The following AP3S1 variants were observed in gnomAD, a reference collection of about 807,000 sequenced individuals.
AP3S1 encodes the protein adaptor related protein complex 3 subunit sigma 1, also known as AP-3 complex subunit sigma-1.
In AP3S1, 12 loss-of-function variants were observed where a neutral mutation model predicts 21.3. The observed-to-expected ratio is 0.56, with a 90% CI of 0.36 to 0.91. The LOEUF is 0.91. AP3S1 is among the 40% of genes least tolerant of loss of function. The pLI is 0.01. For missense variants in AP3S1, 116 were observed against 225.0 expected (o/e 0.52, Z 3.10); for synonymous variants, 48 against 78.4 (o/e 0.61, Z 2.05).
At chr5:115,848,644 A>G (rs967164341) in intron 1 of AP3S1, among the ~76,000 whole-genome samples, 2 of 152,104 alleles carry the variant, frequency 1.3e-5, no homozygotes, top group Admixed American at 1.3e-4. Context: ...TTTAGCACTT[A>G]GTCTTTTTTG....
At chr5:115,851,909 T>C (rs1762465646) in intron 1 of AP3S1, among the ~76,000 whole-genome samples, 1 of 152,094 alleles carries the variant, frequency 6.6e-6, no homozygotes, top group Non-Finnish European at 1.5e-5. Context: ...AATTACTATA[T>C]AATAGTACAT....
At chr5:115,883,643 C>T (rs1749508547) in intron 3 of AP3S1, among the ~76,000 whole-genome samples, 1 of 152,240 alleles carries the variant, frequency 6.6e-6, no homozygotes, top group South Asian at 2.1e-4. Flanking sequence ...GGATCTGTTC[C>T]TATTCGGCCA....
intron 1 of AP3S1, among the ~76,000 whole-genome samples, chr5:115,852,634 C>A (rs1025489155): frequency 6.6e-6 from 1 of 152,088 alleles, no homozygotes; most frequent in African/African-American, 2.4e-5. Flanking sequence ...CCCCACTCCC[C>A]ACTGTCCCTG....
At chr5:115,899,256 C>T (rs1751015133) in intron 4 of AP3S1, among the ~76,000 whole-genome samples, 1 of 152,148 alleles carries the variant, frequency 6.6e-6, no homozygotes, top group Non-Finnish European at 1.5e-5. Context: ...CGAGAGACTC[C>T]TTTTACTTTC....
intron 5 of AP3S1, among the ~76,000 whole-genome samples, chr5:115,911,581 C>T (rs144729631): frequency 6.6e-6 from 1 of 151,994 alleles, no homozygotes; most frequent in Non-Finnish European, 1.5e-5. Flanking sequence ...GTAAATTTTT[C>T]TTCCTTAGTA....
chr5:115,898,219 T>C (rs750863020), intron 4 of AP3S1, among the ~76,000 whole-genome samples: 6 of 152,194 alleles, frequency 3.9e-5, no homozygotes, highest in South Asian at 2.1e-4. Flanking sequence ...CAGATGATAA[T>C]TGTACCAAGT....
chr5:115,843,534 C>T (rs1167102476), intron 1 of AP3S1, among the ~76,000 whole-genome samples: 2 of 152,068 alleles, frequency 1.3e-5, no homozygotes, highest in African/African-American at 4.8e-5. Context: ...TTGATCCTCC[C>T]GAATGGGAAA....
At chr5:115,876,270 C>T (rs1028091112) in intron 3 of AP3S1, among the ~76,000 whole-genome samples, 11 of 152,236 alleles carry the variant, frequency 7.2e-5, no homozygotes, top group African/African-American at 1.7e-4. Context: ...ATAGTAGACA[C>T]GCTTTTCTTA....
At chr5:115,861,870 T>TC (rs1561483382) in intron 1 of AP3S1, among the ~76,000 whole-genome samples, 1 of 145,420 alleles carries the variant, frequency 6.9e-6, no homozygotes, top group Admixed American at 6.8e-5. Flanking sequence ...CTTTTCTTTT[T>TC]TTTTTTTTTT....
chr5:115,868,831 G>C (rs1267166139), intron 2 of AP3S1, among the ~76,000 whole-genome samples: 1 of 151,228 alleles, frequency 6.6e-6, no homozygotes, highest in East Asian at 2.0e-4. Flanking sequence ...GCAGTGAGCT[G>C]AGATAGCACC....
chr5:115,886,767 T>A (rs997103278), intron 3 of AP3S1, among the ~76,000 whole-genome samples: 1 of 152,196 alleles, frequency 6.6e-6, no homozygotes, highest in Non-Finnish European at 1.5e-5. Context: ...TAACTTTCTA[T>A]AAATCACAGA....
intron 5 of AP3S1, among the ~76,000 whole-genome samples, chr5:115,908,543 T>C: frequency 6.6e-6 from 1 of 152,170 alleles, no homozygotes; most frequent in South Asian, 2.1e-4. Flanking sequence ...AAACTAGTAA[T>C]GATAAATCCA....
chr5:115,900,639 T>TA, intron 4 of AP3S1, among the ~76,000 whole-genome samples: 1 of 152,198 alleles, frequency 6.6e-6, no homozygotes, highest in East Asian at 1.9e-4. Context: ...CAGAGCATCT[T>TA]ACGTATTTTC....
chr5:115,904,724 A>C (rs1267748979), intron 5 of AP3S1, among the ~76,000 whole-genome samples: 1 of 152,224 alleles, frequency 6.6e-6, no homozygotes, highest in African/African-American at 2.4e-5. Flanking sequence ...TATTTAGTAA[A>C]GAAAAGATTA....
At chr5:115,911,829 A>G (rs923552741) in intron 5 of AP3S1, among the ~76,000 whole-genome samples, 3 of 152,034 alleles carry the variant, frequency 2.0e-5, no homozygotes, top group Non-Finnish European at 4.4e-5. Context: ...TGCTTCAGGT[A>G]GGTATAAGTA....
At chr5:115,895,355 G>T (rs370212277) in intron 4 of AP3S1, among the ~76,000 whole-genome samples, 197 bp downstream of exon 4, 1 of 152,030 alleles carries the variant, frequency 6.6e-6, no homozygotes, top group Non-Finnish European at 1.5e-5. Context: ...CACATCGAAG[G>T]GTGGAAACAA....
chr5:115,885,121 C>T (rs963541048), intron 3 of AP3S1, among the ~76,000 whole-genome samples: 1 of 152,202 alleles, frequency 6.6e-6, no homozygotes, highest in South Asian at 2.1e-4. Context: ...ATTTCATTAT[C>T]TTCCTCCTGG....
In AP3S1 at chr5:115,909,046, C is replaced by T. The variant is rs1318431088; in HGVS notation, c.454-4316C>T. On this transcript the variant is annotated intron_variant, in intron 5 of 5. Coordinates refer to ENST00000316788, the MANE Select transcript of AP3S1 (RefSeq NM_001284.4). The stretch of plus-strand genomic sequence containing the variant: ...GGGTGGGTAAAGGTTTTAATACGTA[C>T]AGTTTGTTCCAACTACCATCTTATT... 10 of 900,752 alleles carry T rather than the reference C, an allele frequency of 1.1e-5. No homozygotes were observed. The African/African-American group carries it at 1.8e-4, about 16-fold the overall frequency. 55.8% of individuals were successfully genotyped at this position (900,752 alleles called of 1,614,324 possible).
At chr5:115,882,227 C>A (rs907396739) in intron 3 of AP3S1, among the ~76,000 whole-genome samples, 7 of 152,148 alleles carry the variant, frequency 4.6e-5, no homozygotes, top group Admixed American at 1.3e-4. Flanking sequence ...ATTCACCTTC[C>A]AGTTTTGTTC....
Sources: gnomAD v4.1 joint callset for allele counts (sites outside exome capture counted in the v4.1 genomes callset) on GRCh38, gnomAD v4.1.1 for gene constraint, MANE v1.5 for transcripts, NCBI Gene and HGNC (gene_info 2026-07-23, HGNC 2026-07-21) for gene names.